The following BSN variants were observed in gnomAD, a reference collection of about 807,000 sequenced individuals.
BSN encodes the protein protein bassoon.
In BSN, 57 loss-of-function variants were observed where a neutral mutation model predicts 264.8. The observed-to-expected ratio is 0.22, with a 90% CI of 0.17 to 0.27. The LOEUF (loss-of-function observed/expected upper bound fraction) is 0.27. Ranked by LOEUF, BSN falls within the 10% of genes least tolerant of loss-of-function variation. The pLI, the probability that BSN is intolerant of heterozygous loss-of-function variation, is 1.00. For synonymous variants in BSN, 2,059 were observed against 2,137.3 expected (o/e 0.96, Z 1.01); for missense variants, 4,615 against 5,232.5 (o/e 0.88, Z 3.64).
At position 49,654,270 on chromosome 3, in the gene BSN, G is replaced by T. The variant is rs1250179124; in HGVS notation, c.4714G>T (p.Val1572Leu). ...TGACGCCTCCAGCCAGACCAGGATG[G>T]TACATGCCAGTGCCTCCACCTCCCC... ...ASDASSQTRMVHASASTSPLC... is the reference protein window; with the variant it reads ...ASDASSQTRMLHASASTSPLC... The change falls in exon 5 of 12, where the codon GTA (valine) becomes TTA (leucine). Residue 1572 changes from valine (V) to leucine (L), a missense_variant. By Grantham distance (32) the Val-to-Leu change is conservative. This residue lies in a region of BSN where 3,415 missense variants were observed against 3,866.4 expected (regional missense o/e 0.88). Coordinates refer to ENST00000296452, the MANE Select transcript of BSN (RefSeq NM_003458.4). This position sits in a 1 kb window ranked among gnomAD's most constrained non-coding sequence, Gnocchi z 4.1. The T allele has an allele frequency of 1.2e-6, 2 of 1,613,132 alleles. No homozygotes were observed. The highest frequency in any genetic ancestry group is 1.7e-6 in the Non-Finnish European group (2 of 1,179,680).
intron 1 of BSN, among the ~76,000 whole-genome samples, chr3:49,575,420 ATGTGTATATATATGTAAATATATATG>A (rs1559595659): frequency 1.4e-5 from 2 of 147,130 alleles, no homozygotes; most frequent in Admixed American, 6.9e-5. Flanking sequence ...AAATATATAT[ATGTGTATATATATGTAAATATATATG>A]TGTGTATATA....
chr3:49,593,995 G>T (rs888546512), intron 1 of BSN, among the ~76,000 whole-genome samples: 2 of 151,556 alleles, frequency 1.3e-5, no homozygotes, highest in African/African-American at 4.8e-5. Flanking sequence ...GTAGAGACAG[G>T]GTTTCACCGT....
At position 49,657,936 on chromosome 3, in the gene BSN, C is replaced by T. The variant is rs772714465; in HGVS notation, c.8380C>T (p.Leu2794Phe). The change falls in exon 5 of 12, where the codon CTC (leucine) becomes TTC (phenylalanine). Residue 2794 changes from leucine (L) to phenylalanine (F), a missense_variant. By Grantham distance (22) the Leu-to-Phe change is conservative. Transcript: ENST00000296452. ...CCAGCCTCCCAAGTCCCCTCAGGTC[C>T]TCTACTCACCAGTCTCACCCCTGTC... ...SRQPPKSPQV[L>F]YSPVSPLSPH... The T allele has an allele frequency of 3.7e-6, 6 of 1,613,434 alleles. No homozygotes were observed. Among genetic ancestry groups the T allele is most frequent in the East Asian group, 2.2e-5 (1 of 44,892 alleles).
chr3:49,633,144 A>T (rs2052393814), intron 2 of BSN, among the ~76,000 whole-genome samples: 1 of 151,704 alleles, frequency 6.6e-6, no homozygotes, highest in African/African-American at 2.4e-5. Flanking sequence ...TCTACTGAAA[A>T]TACAAAAGTT....
In BSN at chr3:49,655,022, C is replaced by T. The variant is rs1488252123; in HGVS notation, c.5466C>T (p.Gly1822=). 6.2e-7 allele frequency: 1 copy of T among 1,613,220 alleles called. No homozygotes were observed. The highest frequency in any genetic ancestry group is 8.5e-7 in the Non-Finnish European group (1 of 1,180,026). The part of the protein sequence containing the change: ...ARRDVLITQM[G]TAQSIGLKPG... ...GAGACGTTTTGATCACTCAGATGGG[C>T]ACCGCCCAGAGCATTGGCCTCAAGC... The change falls in exon 5 of 12, where the codon GGC becomes GGT. Residue 1822 remains glycine (G), a synonymous_variant. Transcript: ENST00000296452.
At position 49,601,805 on chromosome 3, in the gene BSN, G is replaced by C. The variant is rs111971783; in HGVS notation, c.225-23170G>C. ...TTATTCTTTTATTTTTCAAAAGGAG[G>C]TAGTTATTAGATTTCTGAAAACTGT... is the stretch of plus-strand genomic sequence containing the variant. On this transcript the variant is annotated intron_variant, in intron 1 of 11. Coordinates refer to ENST00000296452, the MANE Select transcript of BSN (RefSeq NM_003458.4). Among the ~76,000 whole-genome samples, 3 of 152,322 alleles carry C rather than the reference G, an allele frequency of 2.0e-5. No individual in the cohort carries two copies. In the East Asian group the frequency reaches 5.8e-4, roughly 29 times the overall value.
intron 1 of BSN, among the ~76,000 whole-genome samples, chr3:49,592,673 C>T (rs536178980): frequency 1.1e-4 from 16 of 151,272 alleles, no homozygotes; most frequent in African/African-American, 3.9e-4. Flanking sequence ...ATGGTGTGAA[C>T]CTGGGAGGCG....
intron 1 of BSN, among the ~76,000 whole-genome samples, chr3:49,592,076 A>T (rs571202857): frequency 2.0e-4 from 30 of 152,228 alleles, no homozygotes; most frequent in South Asian, 6.2e-4. Flanking sequence ...TGATTTTTTT[A>T]AAATTGTGAT....
In BSN at chr3:49,651,891, G is replaced by A. The variant is rs1366391199; in HGVS notation, c.2335G>A (p.Asp779Asn). The A allele has an allele frequency of 1.2e-6, 2 of 1,613,876 alleles. No individual in the cohort carries two copies. The highest frequency in any genetic ancestry group is 4.5e-5 in the East Asian group (2 of 44,900). The change falls in exon 5 of 12, where the codon GAT becomes AAT. Residue 779 changes from aspartate (D) to asparagine (N), a missense_variant. Physicochemically the swap from Asp to Asn is conservative, Grantham distance 23. This residue lies in a region of BSN where 1,197 missense variants were observed against 1,348.0 expected (regional missense o/e 0.89). Transcript: ENST00000296452. This position sits in a 1 kb window ranked among gnomAD's most constrained non-coding sequence, Gnocchi z 5.4. ...CTTTGACTCTGATGAGGAGCTGGAG[G>A]ATATCCTGGAGGAAGACGAAGACTC... ...EAFDSDEELE[D>N]ILEEDEDSAE...
chr3:49,572,496 A>G (rs1575426364), intron 1 of BSN, among the ~76,000 whole-genome samples: 1 of 152,332 alleles, frequency 6.6e-6, no homozygotes, highest in East Asian at 1.9e-4. Flanking sequence ...CAGGTCTTGG[A>G]CAAGAATGAG....
At chr3:49,666,768 G>T (rs1394045279) in intron 11 of BSN, among the ~76,000 whole-genome samples, 1 of 152,156 alleles carries the variant, frequency 6.6e-6, no homozygotes, top group Non-Finnish European at 1.5e-5. Context: ...GGTGGTCAGG[G>T]GTAAAGTCCA....
At chr3:49,597,538 C>T (rs1180878509) in intron 1 of BSN, among the ~76,000 whole-genome samples, 1 of 151,952 alleles carries the variant, frequency 6.6e-6, no homozygotes, top group East Asian at 1.9e-4. Flanking sequence ...ACTATGTTGC[C>T]CAGGCTGTTC....
chr3:49,600,756 G>A (rs888718917), intron 1 of BSN, among the ~76,000 whole-genome samples: 1 of 152,122 alleles, frequency 6.6e-6, no homozygotes, highest in Non-Finnish European at 1.5e-5. Flanking sequence ...GTGAGCTGCA[G>A]TCATGTCACT....
intron 11 of BSN, among the ~76,000 whole-genome samples, chr3:49,665,976 G>C (rs1289009028): frequency 6.6e-6 from 1 of 152,266 alleles, no homozygotes; most frequent in Non-Finnish European, 1.5e-5. Context: ...TCCTGGCCCT[G>C]GCCCTGGCCC....
rs2052536080 is a variant in BSN, at chr3:49,650,855, C to G, written c.1762C>G (p.Pro588Ala). Residue 588 changes from proline to alanine, a missense_variant, in exon 4 of 12, where the codon CCC becomes GCC. Pro to Ala is a conservative substitution (Grantham distance 27, BLOSUM62 -1). Transcript: ENST00000296452. ...KASPLPSKASPQAKPLRASEP... is the reference protein window; with the variant it reads ...KASPLPSKASAQAKPLRASEP... The stretch of plus-strand genomic sequence containing the variant: ...CAGCCCTCTGCCCAGCAAGGCCAGC[C>G]CCCAGGCCAAGCCCCTCAGGGCTTC... 1 of 1,614,108 alleles carries G rather than the reference C, an allele frequency of 6.2e-7. No homozygotes were observed. Among genetic ancestry groups the G allele is most frequent in the Admixed American group, 1.7e-5 (1 of 60,006 alleles).
chr3:49,597,872 T>G (rs560639293), intron 1 of BSN, among the ~76,000 whole-genome samples: 7 of 151,736 alleles, frequency 4.6e-5, no homozygotes, highest in Admixed American at 6.6e-5. Context: ...CTCGATCTCC[T>G]GACCTCGTGA....
chr3:49,646,995 CT>C (rs1424227425), intron 3 of BSN, among the ~76,000 whole-genome samples: 1 of 152,194 alleles, frequency 6.6e-6, no homozygotes, highest in Non-Finnish European at 1.5e-5. Flanking sequence ...AAGATGACCC[CT>C]GGGCATCCTT....
At chr3:49,590,919 A>G (rs1354611267) in intron 1 of BSN, among the ~76,000 whole-genome samples, 1 of 151,920 alleles carries the variant, frequency 6.6e-6, no homozygotes, top group East Asian at 1.9e-4. Context: ...CAGCCTGGCT[A>G]ACTAACATGG....
At chr3:49,650,030 C>T (rs1575447163) in intron 3 of BSN, among the ~76,000 whole-genome samples, 2 of 152,190 alleles carry the variant, frequency 1.3e-5, no homozygotes, top group Non-Finnish European at 2.9e-5. Flanking sequence ...GCCCCTCTGT[C>T]CTCCACCAAG....
Sources: gnomAD v4.1 joint callset for allele counts (sites outside exome capture counted in the v4.1 genomes callset) on GRCh38, gnomAD v4.1.1 for gene constraint, gnomAD v4.1.1 regional missense constraint, Gnocchi (gnomAD v3.1) non-coding constraint, MANE v1.5 for transcripts, NCBI Gene and HGNC (gene_info 2026-07-23, HGNC 2026-07-21) for gene names.